Variants in PPP1R9A observed in about 807,000 individuals in gnomAD.
The protein encoded by PPP1R9A is neurabin-1.
PPP1R9A carries 59 observed loss-of-function variants against 141.9 expected under a neutral mutation model. The observed-to-expected ratio is 0.42, with a 90% CI of 0.34 to 0.52. The LOEUF is 0.52. Ranked by LOEUF, PPP1R9A falls within the 20% of genes least tolerant of loss-of-function variation. The probability of loss-of-function intolerance (pLI) is 0.10; values close to 1 mark genes in which losing one functional copy is unlikely to be tolerated. For synonymous variants in PPP1R9A, 500 were observed against 569.7 expected (o/e 0.88, Z 1.74); for missense variants, 1,444 against 1,611.9 (o/e 0.90, Z 1.78).
intron 2 of PPP1R9A, among the ~76,000 whole-genome samples, chr7:95,050,010 A>G (rs1294019748): frequency 6.6e-6 from 1 of 152,200 alleles, no homozygotes; most frequent in Non-Finnish European, 1.5e-5. Flanking sequence ...GTTCATCTGG[A>G]TAAATACCAA....
chr7:95,021,183 G>A (rs1805899933), intron 2 of PPP1R9A, among the ~76,000 whole-genome samples: 1 of 152,100 alleles, frequency 6.6e-6, no homozygotes, highest in Non-Finnish European at 1.5e-5. Context: ...GGTGTGAGAT[G>A]GTGTCTCATT....
intron 5 of PPP1R9A, among the ~76,000 whole-genome samples, chr7:95,197,858 A>G (rs1836516175): frequency 6.6e-6 from 1 of 151,422 alleles, no homozygotes; most frequent in Non-Finnish European, 1.5e-5. Flanking sequence ...CTTCTTGGCC[A>G]GGCTGCTCTC....
chr7:94,931,225 A>G (rs187635162), intron 2 of PPP1R9A, among the ~76,000 whole-genome samples: 1 of 152,306 alleles, frequency 6.6e-6, no homozygotes, highest in Non-Finnish European at 1.5e-5. Flanking sequence ...GCTCACCAGT[A>G]AGAGGTTTTA....
chr7:95,084,019 T>C (rs1049474651), intron 2 of PPP1R9A, among the ~76,000 whole-genome samples: 1 of 152,044 alleles, frequency 6.6e-6, no homozygotes, highest in Non-Finnish European at 1.5e-5. Context: ...AGCAGATTTC[T>C]TATCAGGAAT....
intron 2 of PPP1R9A, among the ~76,000 whole-genome samples, chr7:94,954,214 C>A (rs1307185879): frequency 1.3e-5 from 2 of 151,874 alleles, no homozygotes; most frequent in East Asian, 3.9e-4. Flanking sequence ...TTAGCTGCAT[C>A]TCGCAAGTTT....
intron 2 of PPP1R9A, among the ~76,000 whole-genome samples, chr7:95,093,089 G>A (rs992615658): frequency 2.0e-5 from 3 of 152,156 alleles, no homozygotes; most frequent in Non-Finnish European, 4.4e-5. Context: ...GTAGACTTGA[G>A]TTCTTATACA....
At chr7:95,080,401 C>T (rs1026461841) in intron 2 of PPP1R9A, among the ~76,000 whole-genome samples, 2 of 152,074 alleles carry the variant, frequency 1.3e-5, no homozygotes, top group Admixed American at 6.5e-5. Context: ...AGGACCTCTT[C>T]AAGGAGAACT....
At chr7:95,075,049 A>G (rs1814634849) in intron 2 of PPP1R9A, among the ~76,000 whole-genome samples, 1 of 151,984 alleles carries the variant, frequency 6.6e-6, no homozygotes, top group South Asian at 2.1e-4. Flanking sequence ...AATGTTTTTC[A>G]TATTGCTTTT....
At chr7:95,227,547 A>T (rs1320603439) in intron 8 of PPP1R9A, among the ~76,000 whole-genome samples, 1 of 152,226 alleles carries the variant, frequency 6.6e-6, no homozygotes, top group Admixed American at 6.5e-5. Context: ...TTTTATAAAT[A>T]AAGTTTTATT....
At chr7:95,003,355 G>T (rs2151542111) in intron 2 of PPP1R9A, among the ~76,000 whole-genome samples, 1 of 152,170 alleles carries the variant, frequency 6.6e-6, no homozygotes, top group South Asian at 2.1e-4. Context: ...TCCGGGTTCT[G>T]TTAGTTGTTA....
chr7:95,019,170 A>C (rs1805530026), intron 2 of PPP1R9A, among the ~76,000 whole-genome samples: 1 of 152,166 alleles, frequency 6.6e-6, no homozygotes, highest in Admixed American at 6.5e-5. Context: ...CAAGGCAGGC[A>C]GATCACTTGA....
intron 2 of PPP1R9A, among the ~76,000 whole-genome samples, chr7:95,034,771 G>T (rs926862874): frequency 6.6e-6 from 1 of 152,184 alleles, no homozygotes; most frequent in South Asian, 2.1e-4. Flanking sequence ...GAATATTCTA[G>T]TTTGAGAAGT....
chr7:95,206,730 A>G (rs1790879647), intron 7 of PPP1R9A, among the ~76,000 whole-genome samples: 1 of 152,208 alleles, frequency 6.6e-6, no homozygotes, highest in African/African-American at 2.4e-5. Flanking sequence ...AGCAGAACAT[A>G]CTTTTCTTGA....
rs1452854678 is a variant in PPP1R9A at position 95,014,855 on chromosome 7, T to C, written c.1396-96404T>C. On this transcript the variant is annotated intron_variant, in intron 2 of 19. Coordinates refer to ENST00000433360, the MANE Select transcript of PPP1R9A (RefSeq NM_001166160.2). Reference sequence around the variant, plus strand: ...ATTTATTTATATTAGCATGAACTCATGGATTCTTATCTTAATCTATGAGTT... The same window carrying C: ...ATTTATTTATATTAGCATGAACTCACGGATTCTTATCTTAATCTATGAGTT... Among the ~76,000 whole-genome samples, 4 of 152,104 alleles carry C rather than the reference T, an allele frequency of 2.6e-5. No individual in the cohort carries two copies. In the East Asian group the frequency reaches 7.7e-4, roughly 29 times the overall value.
At chr7:95,157,711 A>T (rs1272242471) in intron 4 of PPP1R9A, among the ~76,000 whole-genome samples, 1 of 152,248 alleles carries the variant, frequency 6.6e-6, no homozygotes, top group Non-Finnish European at 1.5e-5. Flanking sequence ...GGATCTGTTA[A>T]TGCATTCATA....
chr7:95,022,948 T>C (rs1806211385), intron 2 of PPP1R9A, among the ~76,000 whole-genome samples: 1 of 152,176 alleles, frequency 6.6e-6, no homozygotes. Context: ...TTCTTTTTTG[T>C]TGTGTCTCTG....
At chr7:94,987,109 G>A (rs749066054) in intron 2 of PPP1R9A, among the ~76,000 whole-genome samples, 3 of 152,176 alleles carry the variant, frequency 2.0e-5, no homozygotes, top group Non-Finnish European at 4.4e-5. Flanking sequence ...TTTGCAAATG[G>A]TCAGAAATTG....
chr7:95,188,595 GTTTTGT>G lies in PPP1R9A; in HGVS notation c.1755-9749_1755-9744del, dbSNP rs1418372315. The stretch of plus-strand genomic sequence containing the variant: ...GTGTGTGTGTGTGTGTCTGTGTTGT[GTTTTGT>G]TTTTTTTTTTTTTTTGAGACAGAAT... On this transcript the variant is annotated intron_variant, in intron 5 of 19. Transcript: ENST00000433360. Among the ~76,000 whole-genome samples the G allele has an allele frequency of 2.9e-4, 34 of 115,846 alleles. No homozygotes were observed. In the Middle Eastern group the frequency reaches 0.015, roughly 50 times the overall value. The allele number at this position is 115,846 out of a possible 152,430, so 76.0% of individuals were successfully genotyped here. A position where few individuals can be genotyped will look rare whatever the true frequency, so the allele number is the denominator to read the frequency against.
At chr7:95,022,488 T>C (rs557059716) in intron 2 of PPP1R9A, among the ~76,000 whole-genome samples, 1 of 152,344 alleles carries the variant, frequency 6.6e-6, no homozygotes, top group African/African-American at 2.4e-5. Context: ...CTTGCCTGAC[T>C]GCCCTGGCCA....
Sources: gnomAD v4.1 joint callset for allele counts (sites outside exome capture counted in the v4.1 genomes callset) on GRCh38, gnomAD v4.1.1 for gene constraint, MANE v1.5 for transcripts, NCBI Gene and HGNC (gene_info 2026-07-23, HGNC 2026-07-21) for gene names.